The following HIVEP3 variants were observed in gnomAD, a reference collection of about 807,000 sequenced individuals.
HIVEP3 encodes transcription factor HIVEP3.
Under a neutral mutation model 152.8 loss-of-function variants are expected in HIVEP3, and 49 were observed. That is an observed-to-expected ratio of 0.32 (90% confidence interval 0.26 to 0.41). HIVEP3 has a LOEUF of 0.41. HIVEP3 is among the 10% of genes least tolerant of loss of function. The pLI is 1.00. For synonymous variants in HIVEP3, 1,269 were observed against 1,289.0 expected (o/e 0.98, Z 0.33); for missense variants, 2,790 against 3,103.3 (o/e 0.90, Z 2.40).
intron 2 of HIVEP3, among the ~76,000 whole-genome samples, chr1:41,631,559 T>C (rs1296844939): frequency 6.6e-6 from 1 of 152,116 alleles, no homozygotes; most frequent in Non-Finnish European, 1.5e-5. Flanking sequence ...CATATCGCAC[T>C]GCTGATTCCT....
chr1:41,640,072 C>G (rs887685871), intron 2 of HIVEP3, among the ~76,000 whole-genome samples: 2 of 152,248 alleles, frequency 1.3e-5, no homozygotes, highest in African/African-American at 4.8e-5. Context: ...TATACTGTCT[C>G]ATAAACTCTA....
chr1:41,984,624 A>G (rs1645311459), intron 1 of HIVEP3, among the ~76,000 whole-genome samples: 1 of 152,124 alleles, frequency 6.6e-6, no homozygotes, highest in African/African-American at 2.4e-5. Context: ...TTAAAACACA[A>G]CCCCCATGGA....
chr1:41,836,440 G>A (rs530827299), intron 1 of HIVEP3, among the ~76,000 whole-genome samples: 19 of 152,352 alleles, frequency 1.2e-4, no homozygotes, highest in Non-Finnish European at 1.3e-4. Flanking sequence ...CAAGGGACAT[G>A]CTGCAGTTCT....
At chr1:41,836,696 C>G (rs1643133898) in intron 1 of HIVEP3, among the ~76,000 whole-genome samples, 1 of 152,168 alleles carries the variant, frequency 6.6e-6, no homozygotes, top group South Asian at 2.1e-4. Flanking sequence ...AGAATGCAAC[C>G]AGTCCTTTGG....
intron 5 of HIVEP3, among the ~76,000 whole-genome samples, chr1:41,568,026 C>T (rs1021088556): frequency 3.3e-5 from 5 of 152,242 alleles, no homozygotes; most frequent in African/African-American, 1.2e-4. Flanking sequence ...ATCCTGAGCA[C>T]ATTGGAGGAA....
rs1354284187 is a variant in HIVEP3, at chr1:41,511,003, A to G, written c.6669T>C (p.Ser2223=). ...LLPGPTAAWV[S]GFSGGGSDLT... is the part of the protein sequence containing the mutation. Reference sequence around the variant, plus strand: ...GGTCGCTGCCACCCCCGGAGAAGCCACTGACCCAGGCTGCGGTGGGCCCTG... The same window carrying G: ...GGTCGCTGCCACCCCCGGAGAAGCCGCTGACCCAGGCTGCGGTGGGCCCTG... Residue 2223 remains serine (S), a synonymous_variant, in exon 9 of 9, where the codon AGT becomes AGC. Coordinates refer to ENST00000372583, the MANE Select transcript of HIVEP3 (RefSeq NM_024503.5). This position sits in a 1 kb window ranked among gnomAD's most constrained non-coding sequence, Gnocchi z 4.9. The G allele has an allele frequency of 1.2e-6, 2 of 1,613,458 alleles. No homozygotes were observed. Among genetic ancestry groups the G allele is most frequent in the Non-Finnish European group, 1.7e-6 (2 of 1,179,758 alleles).
rs149673787 is a variant in HIVEP3 at position 41,534,189 on chromosome 1, T to C, written c.5208-9279A>G. Among the ~76,000 whole-genome samples, 927 of 152,132 alleles carry C rather than the reference T, an allele frequency of 6.1e-3. 10 individuals carry two copies. The highest frequency in any genetic ancestry group is 0.021 in the African/African-American group (884 of 41,476). On this transcript the variant is annotated intron_variant, in intron 5 of 8. Coordinates refer to ENST00000372583, the MANE Select transcript of HIVEP3 (RefSeq NM_024503.5). ...CCAGTAGGAGCTGTCCCCAAATCCA[T>C]CCAGGCTTACCACTCCTTCCAGCCT...
chr1:41,985,908 TTAAG>T (rs1422634521), intron 1 of HIVEP3, among the ~76,000 whole-genome samples: 1 of 152,158 alleles, frequency 6.6e-6, no homozygotes, highest in East Asian at 1.9e-4. Flanking sequence ...AGGCTAAACA[TTAAG>T]TCTCTTCTGT....
chr1:41,687,924 C>T (rs60977053), intron 2 of HIVEP3, among the ~76,000 whole-genome samples: 2,141 of 152,214 alleles, frequency 0.014, 49 homozygotes, highest in African/African-American at 0.046. Context: ...CTTGAAAATT[C>T]AGTGAAGAAA....
intron 1 of HIVEP3, among the ~76,000 whole-genome samples, chr1:41,708,192 C>G (rs951154555): frequency 1.3e-5 from 2 of 152,196 alleles, no homozygotes; most frequent in African/African-American, 4.8e-5. Flanking sequence ...CATGTACCTT[C>G]TGCTCTGAGT....
chr1:42,011,095 G>C (rs1406358306), intron 1 of HIVEP3, among the ~76,000 whole-genome samples: 1 of 152,156 alleles, frequency 6.6e-6, no homozygotes, highest in African/African-American at 2.4e-5. Flanking sequence ...GCTGTTTTCA[G>C]AGTTGTCACA....
rs114934288 is a variant in HIVEP3 at position 41,617,388 on chromosome 1, G to C, written c.-522+11361C>G. On this transcript the variant is annotated intron_variant, in intron 3 of 8. Coordinates refer to ENST00000372583, the MANE Select transcript of HIVEP3 (RefSeq NM_024503.5). ...CATGTCATTTTCACTCACTGGTTTT[G>C]ATTCTGTCCCGAGGACCACACAGAA... Among the ~76,000 whole-genome samples the C allele has an allele frequency of 6.1e-3, 933 of 152,318 alleles. 5 individuals carry two copies. Among genetic ancestry groups the C allele is most frequent in the African/African-American group, 0.022 (898 of 41,562 alleles).
At chr1:41,929,724 TTTTATATATA>T (rs746254984) in intron 1 of HIVEP3, among the ~76,000 whole-genome samples, 562 of 30,590 alleles carry the variant, frequency 0.018, 39 homozygotes, top group Middle Eastern at 0.042. Flanking sequence ...GTATATGTGT[TTTTATATATA>T]TATATATATA....
chr1:41,875,406 C>A (rs1481541704), intron 1 of HIVEP3, among the ~76,000 whole-genome samples: 2 of 152,268 alleles, frequency 1.3e-5, no homozygotes, highest in African/African-American at 4.8e-5. Context: ...AGCCTTCCAA[C>A]TGGGTTCCTG....
intron 2 of HIVEP3, among the ~76,000 whole-genome samples, chr1:41,642,970 T>A (rs1219188033): frequency 6.6e-6 from 1 of 152,104 alleles, no homozygotes; most frequent in Non-Finnish European, 1.5e-5. Context: ...TTCTCCCTCT[T>A]CCTCAGCCTC....
chr1:41,894,878 G>A (rs1644503569), intron 1 of HIVEP3, among the ~76,000 whole-genome samples: 1 of 152,100 alleles, frequency 6.6e-6, no homozygotes, highest in South Asian at 2.1e-4. Context: ...AGATAACCAG[G>A]CCTTACTAAG....
chr1:41,630,528 G>A (rs1361642974), intron 2 of HIVEP3, among the ~76,000 whole-genome samples: 3 of 152,194 alleles, frequency 2.0e-5, no homozygotes, highest in African/African-American at 7.2e-5. Context: ...TCACCGCCTT[G>A]AAGATGGAGG....
intron 1 of HIVEP3, among the ~76,000 whole-genome samples, chr1:41,818,081 C>T (rs141951386): frequency 9.7e-4 from 148 of 152,194 alleles, no homozygotes; most frequent in African/African-American, 3.0e-3. Context: ...CACAACATAC[C>T]ATCAATTTCT....
At chr1:41,976,148 G>C (rs960232972) in intron 1 of HIVEP3, among the ~76,000 whole-genome samples, 1 of 152,158 alleles carries the variant, frequency 6.6e-6, no homozygotes, top group South Asian at 2.1e-4. Flanking sequence ...AGAAAAGAGA[G>C]GATAATTTTT....
Sources: gnomAD v4.1 joint callset for allele counts (sites outside exome capture counted in the v4.1 genomes callset) on GRCh38, gnomAD v4.1.1 for gene constraint, Gnocchi (gnomAD v3.1) non-coding constraint, MANE v1.5 for transcripts, NCBI Gene and HGNC (gene_info 2026-07-23, HGNC 2026-07-21) for gene names.